The following DRC11 variants were observed in gnomAD, a reference collection of about 807,000 sequenced individuals.
DRC11 encodes dynein regulatory complex subunit 11, also known as IQ and AAA domain-containing protein 1.
At chr2:236,447,589 C>A in the DRC11 span, among the ~76,000 whole-genome samples, 6 of 152,174 alleles carry the variant, frequency 3.9e-5, no homozygotes, top group Non-Finnish European at 8.8e-5. The surrounding 1 kb of genome is among the most constrained non-coding windows in gnomAD (Gnocchi z 4.6). Context: ...ACTAATGGTT[C>A]GGAAATACCT....
the DRC11 span, among the ~76,000 whole-genome samples, chr2:236,364,730 C>A: frequency 2.0e-5 from 3 of 152,180 alleles, no homozygotes; most frequent in East Asian, 5.8e-4. Flanking sequence ...GGATTAAATT[C>A]TGGAAAGTGC....
the DRC11 span, among the ~76,000 whole-genome samples, chr2:236,452,339 A>AC: frequency 0.027 from 4,161 of 152,328 alleles, 197 homozygotes; most frequent in African/African-American, 0.094. This position sits in a 1 kb window ranked among gnomAD's most constrained non-coding sequence, Gnocchi z 4.7. Context: ...AACGGGCCTC[A>AC]CATTTCAGAC....
At chr2:236,495,514 G>A in the DRC11 span, among the ~76,000 whole-genome samples, 15 of 152,186 alleles carry the variant, frequency 9.9e-5, no homozygotes, top group African/African-American at 3.1e-4. The surrounding 1 kb of genome is among the most constrained non-coding windows in gnomAD (Gnocchi z 5.6). Context: ...GGAAACTTCT[G>A]GTGGTAGAGA....
At chr2:236,383,643 T>TTG in the DRC11 span, among the ~76,000 whole-genome samples, 591 of 151,998 alleles carry the variant, frequency 3.9e-3, 7 homozygotes, top group African/African-American at 0.014. Context: ...ATTTTTTTTT[T>TTG]TTTTGTTTTG....
At chr2:236,417,163 C>T in the DRC11 span, among the ~76,000 whole-genome samples, 1 of 152,158 alleles carries the variant, frequency 6.6e-6, no homozygotes, top group African/African-American at 2.4e-5. Flanking sequence ...AGCCACCATG[C>T]CCAGCCAAAA....
At chr2:236,336,417 A>ACCACCACCACTGCCACCACGG in the DRC11 span, among the ~76,000 whole-genome samples, 52 of 148,012 alleles carry the variant, frequency 3.5e-4, no homozygotes, top group African/African-American at 9.6e-4. The surrounding 1 kb of genome is among the most constrained non-coding windows in gnomAD (Gnocchi z 7.3). Context: ...CATGCTGACC[A>ACCACCACCACTGCCACCACGG]CCACCACCAC....
chr2:236,458,423 C>T, the DRC11 span, among the ~76,000 whole-genome samples: 5 of 152,172 alleles, frequency 3.3e-5, no homozygotes, highest in Admixed American at 6.5e-5. Flanking sequence ...TAAAAAACTA[C>T]AAGAACTAAT....
chr2:236,379,962 A>C, the DRC11 span, among the ~76,000 whole-genome samples: 1 of 152,270 alleles, frequency 6.6e-6, no homozygotes, highest in Non-Finnish European at 1.5e-5. Flanking sequence ...TGGGAAGAAA[A>C]ATATACATTC....
the DRC11 span, among the ~76,000 whole-genome samples, chr2:236,504,492 C>T: frequency 6.6e-6 from 1 of 152,136 alleles, no homozygotes; most frequent in Non-Finnish European, 1.5e-5. This position sits in a 1 kb window ranked among gnomAD's most constrained non-coding sequence, Gnocchi z 5.0. Context: ...AAGTGCTCTA[C>T]ATTTAAAATA....
the DRC11 span, among the ~76,000 whole-genome samples, chr2:236,348,969 GC>G: frequency 6.6e-6 from 1 of 152,012 alleles, no homozygotes; most frequent in Admixed American, 6.6e-5. The surrounding 1 kb of genome is among the most constrained non-coding windows in gnomAD (Gnocchi z 7.4). Flanking sequence ...CATGGTGCCT[GC>G]CTACTGAAGC....
At chr2:236,344,640 C>A in the DRC11 span, 5 of 1,612,874 alleles carry the variant, frequency 3.1e-6, 1 homozygote, top group African/African-American at 5.3e-5. Context: ...AGCTGTCGAG[C>A]CACCTGCAGA....
At chr2:236,424,568 T>C in the DRC11 span, among the ~76,000 whole-genome samples, 1 of 152,232 alleles carries the variant, frequency 6.6e-6, no homozygotes, top group Non-Finnish European at 1.5e-5. Flanking sequence ...GTATACAACA[T>C]GATGTTTTGA....
the DRC11 span, among the ~76,000 whole-genome samples, chr2:236,366,777 C>T: frequency 7.2e-6 from 1 of 138,556 alleles, no homozygotes; most frequent in African/African-American, 2.7e-5. Context: ...TTCCCTCCCT[C>T]CCTCCCTCTC....
chr2:236,431,600 A>T, the DRC11 span, among the ~76,000 whole-genome samples: 1 of 152,176 alleles, frequency 6.6e-6, no homozygotes, highest in Non-Finnish European at 1.5e-5. The surrounding 1 kb of genome is among the most constrained non-coding windows in gnomAD (Gnocchi z 4.2). Flanking sequence ...AGCAAGCACT[A>T]ATCTACTTTC....
chr2:236,498,966 C>T, the DRC11 span, among the ~76,000 whole-genome samples: 1 of 152,114 alleles, frequency 6.6e-6, no homozygotes, highest in Non-Finnish European at 1.5e-5. Flanking sequence ...TGTGGAGAGC[C>T]CTGATCATTG....
the DRC11 span, among the ~76,000 whole-genome samples, chr2:236,307,285 AC>A: frequency 7.2e-5 from 11 of 151,784 alleles, no homozygotes; most frequent in Admixed American, 3.9e-4. This position sits in a 1 kb window ranked among gnomAD's most constrained non-coding sequence, Gnocchi z 7.0. Context: ...TCTCAAGCAG[AC>A]CCCCTGGCTC....
At chr2:236,466,377 T>C in the DRC11 span, among the ~76,000 whole-genome samples, 1 of 152,250 alleles carries the variant, frequency 6.6e-6, no homozygotes, top group African/African-American at 2.4e-5. Context: ...AAGATATGTT[T>C]ACATTTAATT....
At chr2:236,370,625 G>T in the DRC11 span, among the ~76,000 whole-genome samples, 1 of 152,164 alleles carries the variant, frequency 6.6e-6, no homozygotes, top group Non-Finnish European at 1.5e-5. This position sits in a 1 kb window ranked among gnomAD's most constrained non-coding sequence, Gnocchi z 5.5. Flanking sequence ...TGGCAAGAAG[G>T]ACTGAGTTTA....
the DRC11 span, chr2:236,338,169 A>G: frequency 3.8e-6 from 6 of 1,595,364 alleles, no homozygotes; most frequent in Non-Finnish European, 5.1e-6. Context: ...GCCCAGCCTC[A>G]GCTATCATGC....
Sources: allele counts gnomAD v4.1 joint callset (sites outside exome capture counted in the v4.1 genomes callset), GRCh38; gene constraint gnomAD v4.1.1; non-coding constraint Gnocchi (gnomAD v3.1); transcripts MANE v1.5; gene names NCBI Gene and HGNC (gene_info 2026-07-23, HGNC 2026-07-21).